DCAF6: variants seen among roughly 807,000 people sequenced by gnomAD.
DCAF6 encodes the protein DDB1 and CUL4 associated factor 6, also known as DDB1- and CUL4-associated factor 6.
In DCAF6, 54 loss-of-function variants were observed where a neutral mutation model predicts 125.1. That is an observed-to-expected ratio of 0.43 (90% CI 0.35 to 0.54). The LOEUF (loss-of-function observed/expected upper bound fraction) is 0.54, where lower values mean the gene tolerates loss of function less well. DCAF6 is among the 20% of genes least tolerant of loss of function. The pLI, the probability that DCAF6 is intolerant of heterozygous loss-of-function variation, is 0.01. For missense variants in DCAF6, 934 were observed against 1,161.7 expected, an observed-to-expected ratio of 0.80 and a Z score of 2.85; for synonymous variants, 371 against 390.4, an observed-to-expected ratio of 0.95 and a Z score of 0.58.
At chr1:167,998,552 CT>C in intron 7 of DCAF6, 1 of 166,258 alleles carries the variant, frequency 6.0e-6, no homozygotes, top group Non-Finnish European at 1.3e-5. Flanking sequence ...GGAGTCAGTC[CT>C]TTCAAACCCT....
the DCAF6 span, among the ~76,000 whole-genome samples, chr1:167,864,035 G>A: frequency 6.6e-6 from 1 of 152,350 alleles, no homozygotes; most frequent in East Asian, 1.9e-4. Flanking sequence ...CACCCACGGT[G>A]TGCCTGTTCC....
At chr1:167,882,582 G>A in the DCAF6 span, among the ~76,000 whole-genome samples, 1 of 152,144 alleles carries the variant, frequency 6.6e-6, no homozygotes, top group African/African-American at 2.4e-5. Context: ...AACTGGAGGT[G>A]TTGACATGGC....
the DCAF6 span, among the ~76,000 whole-genome samples, chr1:167,863,865 A>G: frequency 3.3e-5 from 5 of 151,946 alleles, no homozygotes; most frequent in Non-Finnish European, 7.4e-5. Context: ...GAACTTGCCC[A>G]CTCCATTTGA....
At chr1:167,873,722 T>C in the DCAF6 span, among the ~76,000 whole-genome samples, 1 of 152,054 alleles carries the variant, frequency 6.6e-6, no homozygotes, top group African/African-American at 2.4e-5. Context: ...TAGACTTAAA[T>C]ATAAAAGGTA....
chr1:167,904,977 T>C, the DCAF6 span: 2 of 1,614,172 alleles, frequency 1.2e-6, no homozygotes, highest in Non-Finnish European at 1.7e-6. Context: ...TAAACAAACA[T>C]CCCTTTTGCA....
At chr1:167,971,805 A>G (rs902931527) in intron 3 of DCAF6, among the ~76,000 whole-genome samples, 3 of 152,224 alleles carry the variant, frequency 2.0e-5, no homozygotes, top group African/African-American at 7.2e-5. Flanking sequence ...CATTGATCCA[A>G]GGAAAGCACA....
intron 21 of DCAF6, among the ~76,000 whole-genome samples, chr1:168,070,910 T>G (rs1318717363): frequency 3.3e-5 from 5 of 152,198 alleles, no homozygotes; most frequent in Admixed American, 6.5e-5. Flanking sequence ...TATAAAACCC[T>G]GCATTATCTC....
chr1:168,009,797 A>G (rs531450825), intron 10 of DCAF6, among the ~76,000 whole-genome samples: 34 of 133,600 alleles, frequency 2.5e-4, no homozygotes, highest in African/African-American at 9.6e-4. Flanking sequence ...ATTCTCTTCT[A>G]TATAACCCTG....
At chr1:167,964,981 A>G (rs1676176101) in intron 2 of DCAF6, among the ~76,000 whole-genome samples, 1 of 152,180 alleles carries the variant, frequency 6.6e-6, no homozygotes, top group African/African-American at 2.4e-5. Context: ...TAGCATGCTA[A>G]TCATAGTTGT....
At chr1:168,024,955 T>A (rs1686152041) in intron 12 of DCAF6, among the ~76,000 whole-genome samples, 1 of 152,132 alleles carries the variant, frequency 6.6e-6, no homozygotes, top group African/African-American at 2.4e-5. Flanking sequence ...GTAAATTAAT[T>A]TGCAAACTAA....
At chr1:168,066,554 A>T in intron 20 of DCAF6, 89 bp downstream of exon 20, 2 of 868,406 alleles carry the variant, frequency 2.3e-6, no homozygotes, top group South Asian at 3.4e-5. Context: ...ATTAGTTGCT[A>T]ACATGAAACA....
intron 16 of DCAF6, among the ~76,000 whole-genome samples, chr1:168,047,408 A>T (rs1189767058): frequency 6.6e-6 from 1 of 152,094 alleles, no homozygotes; most frequent in African/African-American, 2.4e-5. Context: ...TCATACTTTC[A>T]TGGTTAAATC....
At chr1:167,898,232 CTG>C in the DCAF6 span, among the ~76,000 whole-genome samples, 2,115 of 151,828 alleles carry the variant, frequency 0.014, 40 homozygotes, top group African/African-American at 0.048. Context: ...TATGGAAACT[CTG>C]TATTATTTTT....
intron 10 of DCAF6, among the ~76,000 whole-genome samples, chr1:168,008,853 G>A (rs996455746): frequency 4.6e-4 from 8 of 17,492 alleles, no homozygotes; most frequent in African/African-American, 6.3e-4. Context: ...GCCCTCCCCC[G>A]CCCCACCCCG....
chr1:167,864,548 A>C, the DCAF6 span, among the ~76,000 whole-genome samples: 3 of 152,152 alleles, frequency 2.0e-5, no homozygotes, highest in Non-Finnish European at 2.9e-5. Context: ...TAAGAGAGGC[A>C]GAAAGAGAGG....
At chr1:168,005,259 G>A (rs1683189386) in intron 10 of DCAF6, among the ~76,000 whole-genome samples, 1 of 151,826 alleles carries the variant, frequency 6.6e-6, no homozygotes. Flanking sequence ...ATGGTCTTTT[G>A]TCAACAACAT....
At chr1:167,917,270 C>CAGGT in the DCAF6 span, 2 of 152,172 alleles carry the variant, frequency 1.3e-5, no homozygotes, top group African/African-American at 4.8e-5. Flanking sequence ...ACTTATGTCC[C>CAGGT]AGGTACTCTG....
rs566158285 is a variant in DCAF6 at position 167,950,088 on chromosome 1, A to G, written c.98-1712A>G. ...AGTTCTTGCTAAAACAGCTTACTTT[A>G]TCTTCTATTCTTAGGTTCTGCCACC... On this transcript the variant is annotated intron_variant, in intron 1 of 21. Coordinates refer to ENST00000367840, the MANE Select transcript of DCAF6 (RefSeq NM_001198956.2). Among the ~76,000 whole-genome samples, 46 of 152,322 alleles carry G rather than the reference A, an allele frequency of 3.0e-4. 2 individuals carry two copies. In the South Asian group the frequency reaches 8.9e-3, roughly 29 times the overall value.
chr1:168,063,608 G>A lies in DCAF6; in HGVS notation c.2301-13G>A, dbSNP rs977112635. 1.4e-5 allele frequency: 21 copies of A among 1,479,384 alleles called. No homozygotes were observed. The highest frequency in any genetic ancestry group is 1.8e-5 in the Non-Finnish European group (20 of 1,120,334). The allele number at this position is 1,479,384 out of a possible 1,614,324, so 91.6% of individuals were successfully genotyped here. A position where few individuals can be genotyped will look rare whatever the true frequency, so the allele number is the denominator to read the frequency against. ...TTATTTATTTTTGTTTTTTTAATAT[G>A]TAATTCATATAGACGCTCTGCTGTT... On this transcript the variant is annotated splice_polypyrimidine_tract_variant and intron_variant, in intron 17 of 21. Transcript: ENST00000367840.
Sources: allele counts gnomAD v4.1 joint callset (sites outside exome capture counted in the v4.1 genomes callset), GRCh38; gene constraint gnomAD v4.1.1; transcripts MANE v1.5; gene names NCBI Gene and HGNC (gene_info 2026-07-23, HGNC 2026-07-21).